RBM34: variants seen among roughly 807,000 people sequenced by gnomAD.
The protein encoded by RBM34 is RNA-binding protein 34.
A neutral mutation model predicts 44.6 loss-of-function variants in RBM34; 39 were observed. That is an observed-to-expected ratio of 0.87 (90% CI 0.68 to 1.14). RBM34 has a LOEUF of 1.14. Among genes scored for constraint, RBM34 ranks in the 50% most tolerant of loss-of-function variants. The probability of loss-of-function intolerance (pLI) is 0.00; values close to 1 mark genes in which losing one functional copy is unlikely to be tolerated. For missense variants in RBM34, 572 were observed against 517.9 expected (o/e 1.10, Z -1.01); for synonymous variants, 194 against 184.0 (o/e 1.05, Z -0.44).
intron 6 of RBM34, among the ~76,000 whole-genome samples, chr1:235,140,887 G>C (rs1216310570): frequency 6.6e-6 from 1 of 152,110 alleles, no homozygotes; most frequent in Non-Finnish European, 1.5e-5. Context: ...TACTCTGGTG[G>C]GACCTTGGAG....
chr1:235,140,123 G>C (rs1661611017), intron 6 of RBM34, among the ~76,000 whole-genome samples: 1 of 152,226 alleles, frequency 6.6e-6, no homozygotes, highest in Non-Finnish European at 1.5e-5. Context: ...ACAGCGTGCT[G>C]GCAGTCCTCA....
At chr1:235,149,065 G>T (rs1662038679) in intron 5 of RBM34, among the ~76,000 whole-genome samples, 1 of 151,942 alleles carries the variant, frequency 6.6e-6, no homozygotes, top group Non-Finnish European at 1.5e-5. Flanking sequence ...ACTCCAGGAA[G>T]AGACACCGAC....
Position 235,137,925 on chromosome 1 carries a change from A to C in RBM34, c.801T>G (p.Ile267Met), listed in dbSNP as rs753543300. ...TQALKRNGAQ[I>M]ADGFRIRVDL... Reference sequence around the variant, plus strand: ...CAACTCTAATACGAAATCCATCTGCAATCTGGGCCCCATTTCTGTATTATA... The same window carrying C: ...CAACTCTAATACGAAATCCATCTGCCATCTGGGCCCCATTTCTGTATTATA... Residue 267 changes from isoleucine (I) to methionine (M), a missense_variant, in exon 8 of 11, where the codon ATT becomes ATG. Transcript: ENST00000408888. 13 of 1,604,910 alleles carry C rather than the reference A, an allele frequency of 8.1e-6. No homozygotes were observed. In the African/African-American group the frequency reaches 1.7e-4, roughly 21 times the overall value.
chr1:235,157,757 T>C (rs1382131204), intron 3 of RBM34, among the ~76,000 whole-genome samples: 3 of 152,116 alleles, frequency 2.0e-5, no homozygotes, highest in African/African-American at 7.2e-5. Flanking sequence ...TCTCAGAGAA[T>C]CCGGTAGCTT....
chr1:235,138,071 A>G lies in RBM34; in HGVS notation c.785+20T>C. ...ACTTATAGGACAATTATTCTGTTCAAACCTAAGGGATAAAATTACCTTTTC... is the reference window on the plus strand; with the variant it reads ...ACTTATAGGACAATTATTCTGTTCAGACCTAAGGGATAAAATTACCTTTTC... On this transcript the variant is annotated intron_variant, in intron 7 of 10. Coordinates refer to ENST00000408888, the MANE Select transcript of RBM34 (RefSeq NM_015014.4). The G allele has an allele frequency of 6.3e-7, 1 of 1,590,180 alleles. No individual in the cohort carries two copies. The highest frequency in any genetic ancestry group is 1.7e-5 in the Admixed American group (1 of 58,154).
At chr1:235,148,545 G>T in intron 5 of RBM34, 98 bp from the exon 6 acceptor site, 2 of 815,560 alleles carry the variant, frequency 2.5e-6, no homozygotes, top group South Asian at 2.2e-5. Flanking sequence ...CCAGTACACT[G>T]TGATCAAAAA....
chr1:235,131,602 T>A lies in RBM34; in HGVS notation c.*111A>T. 8.5e-7 allele frequency: 1 copy of A among 1,177,488 alleles called. No homozygotes were observed. The highest frequency in any genetic ancestry group is 1.2e-6 in the Non-Finnish European group (1 of 835,368). 72.9% of individuals were successfully genotyped at this position (1,177,488 alleles called of 1,614,324 possible). A position where few individuals can be genotyped will look rare whatever the true frequency, so the allele number is the denominator to read the frequency against. On this transcript the variant is annotated 3_prime_UTR_variant, in exon 11 of 11. Transcript: ENST00000408888. ...AAGTCTCCACATTTCACATACACCA[T>A]CCATAAAGAAGTATAAAACTCAACA...
chr1:235,131,649 T>C lies in RBM34; in HGVS notation c.*64A>G. ...AACACATGAATAGCAGACGATGCTA[T>C]CAGCAGATAATAGCACTTTTATTAG... On this transcript the variant is annotated 3_prime_UTR_variant, in exon 11 of 11. Transcript: ENST00000408888. 4.7e-6 allele frequency: 7 copies of C among 1,503,894 alleles called. No homozygotes were observed. In the South Asian group the frequency reaches 9.4e-5, roughly 20 times the overall value. 93.2% of individuals were successfully genotyped at this position (1,503,894 alleles called of 1,614,324 possible).
Position 235,161,031 on chromosome 1 carries a change from C to A in RBM34, c.90G>T (p.Pro30=), listed in dbSNP as rs1662695737. The change falls in exon 2 of 11, where the codon CCG becomes CCT. Residue 30 remains proline (P), a synonymous_variant. Coordinates refer to ENST00000408888, the MANE Select transcript of RBM34 (RefSeq NM_015014.4). ...CGACCTGTCCAAGCCTGTAGTCTTC[C>A]GGCGGACTCCCGCGAACGCCGTCGT... ...NPDDGVRGSP[P]EDYRLGQVAS... 1 of 1,613,850 alleles carries A rather than the reference C, an allele frequency of 6.2e-7. No individual in the cohort carries two copies. The highest frequency in any genetic ancestry group is 1.7e-5 in the Admixed American group (1 of 59,998).
chr1:235,137,486 C>T (rs1160207243), intron 8 of RBM34, among the ~76,000 whole-genome samples: 1 of 152,102 alleles, frequency 6.6e-6, no homozygotes, highest in Non-Finnish European at 1.5e-5. Flanking sequence ...GTGGTGCTCC[C>T]ACCTCAGCCT....
intron 4 of RBM34, among the ~76,000 whole-genome samples, chr1:235,154,010 G>A (rs1251056018): frequency 6.6e-6 from 1 of 152,138 alleles, no homozygotes; most frequent in Non-Finnish European, 1.5e-5. Flanking sequence ...ACTTTGGGAG[G>A]CCGAGGCGGA....
intron 3 of RBM34, among the ~76,000 whole-genome samples, chr1:235,158,944 C>A (rs1662569592): frequency 6.6e-6 from 1 of 150,704 alleles, no homozygotes. Context: ...ATAGCAAGAC[C>A]CTGTTTCTAT....
At chr1:235,151,392 A>C (rs1662151856) in intron 5 of RBM34, among the ~76,000 whole-genome samples, 1 of 152,180 alleles carries the variant, frequency 6.6e-6, no homozygotes, top group Non-Finnish European at 1.5e-5. Flanking sequence ...TAATACAGGG[A>C]AATGGAACTC....
chr1:235,148,433 T>G lies in RBM34; in HGVS notation c.672A>C (p.Gly224=), dbSNP rs767384010. The G allele has an allele frequency of 6.3e-7, 1 of 1,596,728 alleles. No homozygotes were observed. Among genetic ancestry groups the G allele is most frequent in the Admixed American group, 1.8e-5 (1 of 57,142 alleles). ...VRFRSLIPAE[G]TLSKKLAAIK... is the part of the protein sequence containing the mutation. ...TTGCTGCCAACTTTTTGGATAGCGT[T>G]CCCTCTGCTGGAATCTTTCAAGAGA... The change falls in exon 6 of 11, where the codon GGA becomes GGC. Residue 224 remains glycine (G), a synonymous_variant. Coordinates refer to ENST00000408888, the MANE Select transcript of RBM34 (RefSeq NM_015014.4).
intron 9 of RBM34, 67 bp from the exon 10 acceptor site, chr1:235,135,837 A>C (rs906743386): frequency 7.2e-6 from 10 of 1,391,414 alleles, no homozygotes; most frequent in Admixed American, 5.1e-5. Flanking sequence ...GGAGTTGTTT[A>C]ATAATACAGC....
chr1:235,150,740 G>T (rs1020141007), intron 5 of RBM34, among the ~76,000 whole-genome samples: 1 of 152,194 alleles, frequency 6.6e-6, no homozygotes, highest in Non-Finnish European at 1.5e-5. Flanking sequence ...CAGAGTATTT[G>T]TAACCACAGC....
At chr1:235,134,361 A>G (rs2102823328) in intron 10 of RBM34, among the ~76,000 whole-genome samples, 1 of 151,918 alleles carries the variant, frequency 6.6e-6, no homozygotes, top group East Asian at 1.9e-4. Context: ...GTGTCTACCT[A>G]TGTTGCCCAA....
Position 235,135,886 on chromosome 1 carries a change from G to A in RBM34, c.890-116C>T, listed in dbSNP as rs1248532539. On this transcript the variant is annotated intron_variant, in intron 9 of 10. Coordinates refer to ENST00000408888, the MANE Select transcript of RBM34 (RefSeq NM_015014.4). ...TCCCATGAAAATAAGCCATTATATT[G>A]CACACTTTTTAGTACATGTGCTGCC... 14 of 1,225,602 alleles carry A rather than the reference G, an allele frequency of 1.1e-5. No individual in the cohort carries two copies. The East Asian group carries it at 3.1e-4, about 27-fold the overall frequency. 75.9% of individuals were successfully genotyped at this position (1,225,602 alleles called of 1,614,324 possible). A position where few individuals can be genotyped will look rare whatever the true frequency, so the allele number is the denominator to read the frequency against.
rs1448574813 is a variant in RBM34 at position 235,160,257 on chromosome 1, A to C, written c.365+254T>G. The stretch of plus-strand genomic sequence containing the variant: ...TGGCATCAAGACTCCATCTCAAAAC[A>C]AACAAAAACAAATAATGAGGGGGTA... On this transcript the variant is annotated intron_variant, in intron 3 of 10. Coordinates refer to ENST00000408888, the MANE Select transcript of RBM34 (RefSeq NM_015014.4). The C allele has an allele frequency of 8.2e-6, 5 of 607,046 alleles. No individual in the cohort carries two copies. The Admixed American group carries it at 1.1e-4, about 13-fold the overall frequency. 37.6% of individuals were successfully genotyped at this position (607,046 alleles called of 1,614,324 possible). A position where few individuals can be genotyped will look rare whatever the true frequency, so the allele number is the denominator to read the frequency against.
Sources: allele counts gnomAD v4.1 joint callset (sites outside exome capture counted in the v4.1 genomes callset), GRCh38; gene constraint gnomAD v4.1.1; transcripts MANE v1.5; gene names NCBI Gene and HGNC (gene_info 2026-07-23, HGNC 2026-07-21).